The following MKLN1 variants were observed in gnomAD, a reference collection of about 807,000 sequenced individuals.
The protein encoded by MKLN1 is muskelin 1.
A neutral mutation model predicts 99.0 loss-of-function variants in MKLN1; 18 were observed. The ratio of observed to expected loss-of-function variants is 0.18; its 90% confidence interval spans 0.13 to 0.27. The LOEUF is 0.27. Ranked by LOEUF, MKLN1 falls within the 10% of genes least tolerant of loss-of-function variation. The pLI, the probability that MKLN1 is intolerant of heterozygous loss-of-function variation, is 1.00. For synonymous variants in MKLN1, 288 were observed against 293.2 expected (o/e 0.98, Z 0.18); for missense variants, 621 against 875.9 (o/e 0.71, Z 3.67).
chr7:131,487,881 C>A lies in MKLN1; in HGVS notation c.*153C>A. ...ACCATCACAAGTTTTTACCCTCTTC[C>A]TTCATGCCTGACCTCAACCCCGCTC... is the stretch of plus-strand genomic sequence containing the variant. On this transcript the variant is annotated 3_prime_UTR_variant, in exon 18 of 18. Coordinates refer to ENST00000352689, the MANE Select transcript of MKLN1 (RefSeq NM_013255.5). This position sits in a 1 kb window ranked among gnomAD's most constrained non-coding sequence, Gnocchi z 4.7. 1.2e-6 allele frequency: 1 copy of A among 805,632 alleles called. No individual in the cohort carries two copies. The allele number at this position is 805,632 out of a possible 1,614,324, so 49.9% of individuals were successfully genotyped here.
intron 6 of MKLN1, among the ~76,000 whole-genome samples, chr7:131,400,025 A>G (rs1184589865): frequency 6.6e-6 from 1 of 152,124 alleles, no homozygotes; most frequent in Non-Finnish European, 1.5e-5. Context: ...TATTTAAACT[A>G]AAAAGGGACT....
At position 131,492,706 on chromosome 7, in the gene MKLN1, G is replaced by C. The variant is rs1014130923; in HGVS notation, c.*4978G>C. On this transcript the variant is annotated 3_prime_UTR_variant, in exon 18 of 18. Transcript: ENST00000352689. Reference sequence around the variant, plus strand: ...GCTATGATTGCGACACTGCACTCCAGCCTGGGCAACAGAGCAAGACCCTGT... The same window carrying C: ...GCTATGATTGCGACACTGCACTCCACCCTGGGCAACAGAGCAAGACCCTGT... 7.1e-6 allele frequency: 1 copy of C among 139,976 alleles called. No individual in the cohort carries two copies. The highest frequency in any genetic ancestry group is 1.5e-5 in the Non-Finnish European group (1 of 66,706). The allele number at this position is 139,976 out of a possible 1,614,324, so 8.7% of individuals were successfully genotyped here.
At chr7:131,435,119 T>C (rs62468085) in intron 9 of MKLN1, among the ~76,000 whole-genome samples, 21,757 of 152,258 alleles carry the variant, frequency 0.14, 2,041 homozygotes, top group Admixed American at 0.29. Context: ...ATTGATGTAA[T>C]TGTGTTTTTT....
At chr7:131,436,575 C>T (rs1484553069) in intron 9 of MKLN1, among the ~76,000 whole-genome samples, 1 of 152,106 alleles carries the variant, frequency 6.6e-6, no homozygotes, top group Non-Finnish European at 1.5e-5. Context: ...AGTTTTGTGA[C>T]GGTGGACTCT....
intron 3 of MKLN1, among the ~76,000 whole-genome samples, chr7:131,298,854 G>C (rs1798334007): frequency 6.6e-6 from 1 of 152,032 alleles, no homozygotes; most frequent in South Asian, 2.1e-4. Context: ...TAGAAACGAG[G>C]GTCAACTATC....
intron 3 of MKLN1, among the ~76,000 whole-genome samples, chr7:131,299,800 A>G (rs1462137780): frequency 2.0e-5 from 3 of 152,306 alleles, no homozygotes; most frequent in Non-Finnish European, 2.9e-5. Context: ...TAGGAATGCT[A>G]TGTTTTCTAG....
chr7:131,347,144 C>T (rs1281273803), intron 1 of MKLN1, among the ~76,000 whole-genome samples: 1 of 151,976 alleles, frequency 6.6e-6, no homozygotes, highest in East Asian at 1.9e-4. Context: ...GCACCTTCTA[C>T]ATAATAATAG....
intron 3 of MKLN1, among the ~76,000 whole-genome samples, chr7:131,317,320 A>C (rs1220979822): frequency 6.6e-6 from 1 of 152,202 alleles, no homozygotes; most frequent in Non-Finnish European, 1.5e-5. Flanking sequence ...TAAAGAAAAG[A>C]ATTTTCAACC....
chr7:131,169,578 A>G (rs1796187553), intron 2 of MKLN1, among the ~76,000 whole-genome samples: 1 of 152,242 alleles, frequency 6.6e-6, no homozygotes, highest in Admixed American at 6.5e-5. Context: ...TTGAGACAAT[A>G]GAAAATTTTT....
At chr7:131,456,732 A>G (rs1244653954) in intron 12 of MKLN1, among the ~76,000 whole-genome samples, 2 of 152,098 alleles carry the variant, frequency 1.3e-5, no homozygotes, top group African/African-American at 2.4e-5. Context: ...GGGCGTGATC[A>G]TATATGGACA....
At chr7:131,123,678 C>T (rs929949343) in intron 1 of MKLN1, among the ~76,000 whole-genome samples, 2 of 152,048 alleles carry the variant, frequency 1.3e-5, no homozygotes, top group African/African-American at 4.8e-5. Flanking sequence ...ATCCCAGCTA[C>T]TTGGGAGGCT....
chr7:131,316,732 A>T (rs1798675816), intron 3 of MKLN1, among the ~76,000 whole-genome samples: 1 of 152,336 alleles, frequency 6.6e-6, no homozygotes, highest in African/African-American at 2.4e-5. Context: ...GGAACTGCTA[A>T]CTAGAATAAC....
chr7:131,454,439 A>G (rs1457610884), intron 12 of MKLN1, among the ~76,000 whole-genome samples: 2 of 152,234 alleles, frequency 1.3e-5, no homozygotes, highest in Non-Finnish European at 2.9e-5. Context: ...CAAGTAAAAT[A>G]ATAGAAGTTA....
chr7:131,457,521 A>G (rs961138890), intron 12 of MKLN1, among the ~76,000 whole-genome samples: 36 of 152,346 alleles, frequency 2.4e-4, no homozygotes, highest in African/African-American at 7.7e-4. Flanking sequence ...AGCGAGGGAA[A>G]AAAGATAAAG....
intron 2 of MKLN1, among the ~76,000 whole-genome samples, chr7:131,165,827 T>C (rs1042666456): frequency 6.6e-6 from 1 of 152,020 alleles, no homozygotes; most frequent in Non-Finnish European, 1.5e-5. Context: ...TAGAAAACGG[T>C]TATGGGGCTA....
At chr7:131,187,152 G>T (rs1584817938) in intron 2 of MKLN1, among the ~76,000 whole-genome samples, 1 of 152,182 alleles carries the variant, frequency 6.6e-6, no homozygotes, top group African/African-American at 2.4e-5. Context: ...ATGAGACATT[G>T]CTTGTGTTAT....
At position 131,352,948 on chromosome 7, in the gene MKLN1, C is replaced by T. The variant is rs191629349; in HGVS notation, c.99-22476C>T. On this transcript the variant is annotated intron_variant, in intron 1 of 17. Transcript: ENST00000352689. ...CCTTTACAATGGGCTAGTTCTTCCG[C>T]TGCAAATACAAACATCTACATGTGT... is the stretch of plus-strand genomic sequence containing the variant. 5.3e-5 allele frequency among the ~76,000 whole-genome samples: 8 copies of T among 152,280 alleles called. No homozygotes were observed. In the East Asian group the frequency reaches 1.5e-3, roughly 29 times the overall value.
intron 1 of MKLN1, among the ~76,000 whole-genome samples, chr7:131,121,982 A>G (rs919561110): frequency 1.6e-4 from 25 of 152,390 alleles, no homozygotes; most frequent in African/African-American, 5.3e-4. Context: ...GGAAACCAAG[A>G]GAAGAATCTG....
intron 3 of MKLN1, among the ~76,000 whole-genome samples, chr7:131,228,436 T>TA (rs1178928128): frequency 6.6e-6 from 1 of 152,202 alleles, no homozygotes; most frequent in Non-Finnish European, 1.5e-5. Context: ...TGTCAACATT[T>TA]AAAAAATAGC....
Sources: allele counts gnomAD v4.1 joint callset (sites outside exome capture counted in the v4.1 genomes callset), GRCh38; gene constraint gnomAD v4.1.1; non-coding constraint Gnocchi (gnomAD v3.1); transcripts MANE v1.5; gene names NCBI Gene and HGNC (gene_info 2026-07-23, HGNC 2026-07-21).